Variants in GGTA1 observed in about 807,000 individuals in gnomAD.
GGTA1 encodes glycoprotein alpha-galactosyltransferase 1 (inactive).
A neutral mutation model predicts 2.6 loss-of-function variants in GGTA1; 5 were observed. That is an observed-to-expected ratio of 1.92 (90% CI 1.00 to 4.04). The LOEUF (loss-of-function observed/expected upper bound fraction) is 4.04. GGTA1 is among the 30% of genes most tolerant of loss of function. GGTA1 has a pLI of 0.00. For missense variants in GGTA1, 50 were observed against 16.7 expected, an observed-to-expected ratio of 2.99 and a Z score of -3.47; for synonymous variants, 17 against 5.0, an observed-to-expected ratio of 3.38 and a Z score of -3.19.
At chr9:121,450,248 G>A (rs143350950), downstream of GGTA1, among the ~76,000 whole-genome samples, 260 of 152,078 alleles carry the variant, frequency 1.7e-3, 2 homozygotes, top group African/African-American at 6.0e-3. Flanking sequence ...TCTGTGGCTA[G>A]TGGCCAGGAA....
chr9:121,450,850 A>G (rs1360550644), downstream of GGTA1, among the ~76,000 whole-genome samples: 1 of 152,186 alleles, frequency 6.6e-6, no homozygotes, highest in Non-Finnish European at 1.5e-5. Context: ...GTGACATTAG[A>G]ACTTGATTGG....
intron 1 of GGTA1, among the ~76,000 whole-genome samples, chr9:121,491,599 T>G (rs1828870075): frequency 7.8e-6 from 1 of 128,366 alleles, no homozygotes; most frequent in Admixed American, 7.7e-5. Context: ...GTGCAATTAG[T>G]TTTTTTTTTT....
chr9:121,480,061 CTTTTTTTT>C (rs532547013), intron 1 of GGTA1, among the ~76,000 whole-genome samples: 1 of 139,828 alleles, frequency 7.2e-6, no homozygotes, highest in African/African-American at 2.6e-5. Flanking sequence ...CTTTTCTTTT[CTTTTTTTT>C]TTTTGAGATG....
At chr9:121,461,928 G>C (rs1213192959) in intron 3 of GGTA1, among the ~76,000 whole-genome samples, 1 of 152,230 alleles carries the variant, frequency 6.6e-6, no homozygotes, top group Non-Finnish European at 1.5e-5. Flanking sequence ...ACAGCCTCAG[G>C]AAATCTGAGG....
chr9:121,481,680 CAAAAAAAA>C (rs34813039), intron 1 of GGTA1, among the ~76,000 whole-genome samples: 1 of 64,216 alleles, frequency 1.6e-5, no homozygotes, highest in African/African-American at 6.6e-5. Context: ...GACTCTGTCT[CAAAAAAAA>C]AAAAAAAAAA....
At chr9:121,498,479 C>T (rs1331907253) in intron 1 of GGTA1, among the ~76,000 whole-genome samples, 8 of 152,264 alleles carry the variant, frequency 5.3e-5, no homozygotes, top group Non-Finnish European at 1.5e-5. Flanking sequence ...CCAGAGCCCT[C>T]CTTCGCCATG....
At chr9:121,497,301 T>A (rs1180042323) in intron 1 of GGTA1, among the ~76,000 whole-genome samples, 1 of 152,208 alleles carries the variant, frequency 6.6e-6, no homozygotes, top group Non-Finnish European at 1.5e-5. Flanking sequence ...TTTATACCTC[T>A]ATTAATGTCC....
chr9:121,470,692 C>T (rs139449310), intron 1 of GGTA1, among the ~76,000 whole-genome samples: 2 of 152,334 alleles, frequency 1.3e-5, no homozygotes, highest in African/African-American at 2.4e-5. Context: ...TGGGCGTAGG[C>T]TTAATTAGCC....
chr9:121,497,555 G>C (rs1324590797), intron 1 of GGTA1, among the ~76,000 whole-genome samples: 3 of 152,034 alleles, frequency 2.0e-5, no homozygotes, highest in Admixed American at 2.0e-4. Context: ...TAGCCTGAGG[G>C]GCTGCTCAGC....
chr9:121,459,417 C>A (rs2064941390), intron 5 of GGTA1, among the ~76,000 whole-genome samples: 1 of 152,104 alleles, frequency 6.6e-6, no homozygotes, highest in South Asian at 2.1e-4. Context: ...GCCTGGGTGA[C>A]AGAGCAAGAT....
downstream of GGTA1, chr9:121,452,262 T>G (rs1240478261): frequency 6.6e-6 from 1 of 152,648 alleles, no homozygotes; most frequent in East Asian, 1.9e-4. Flanking sequence ...CTGGTCACTG[T>G]CACAACCTCT....
At chr9:121,483,494 T>C (rs1198371607) in intron 1 of GGTA1, among the ~76,000 whole-genome samples, 1 of 152,158 alleles carries the variant, frequency 6.6e-6, no homozygotes, top group African/African-American at 2.4e-5. Context: ...TTAGGGTCAT[T>C]CCTTAATTGA....
intron 1 of GGTA1, among the ~76,000 whole-genome samples, chr9:121,473,458 G>C (rs1828438209): frequency 6.6e-6 from 1 of 152,168 alleles, no homozygotes. Context: ...GGAAAGGTTG[G>C]CAGGGTGGCC....
At chr9:121,495,348 C>T (rs1306488715) in intron 1 of GGTA1, among the ~76,000 whole-genome samples, 1 of 151,944 alleles carries the variant, frequency 6.6e-6, no homozygotes, top group Non-Finnish European at 1.5e-5. Flanking sequence ...GAGTTCGAGA[C>T]CAGCCTGGAC....
intron 1 of GGTA1, among the ~76,000 whole-genome samples, chr9:121,468,514 T>C (rs757161848): frequency 6.6e-6 from 1 of 152,270 alleles, no homozygotes; most frequent in Non-Finnish European, 1.5e-5. Flanking sequence ...GAATGATTTA[T>C]AATCCTTTAG....
At chr9:121,471,592 G>A (rs1207843694) in intron 1 of GGTA1, among the ~76,000 whole-genome samples, 1 of 152,080 alleles carries the variant, frequency 6.6e-6, no homozygotes, top group Non-Finnish European at 1.5e-5. Context: ...TCTTCAGAAA[G>A]TGAGCTCTGT....
chr9:121,449,729 G>T (rs371102264), intron 7 of GGTA1, among the ~76,000 whole-genome samples: 3 of 151,278 alleles, frequency 2.0e-5, no homozygotes, highest in South Asian at 2.1e-4. Flanking sequence ...AGTCCCAGCT[G>T]CTTGGGAGGC....
intron 1 of GGTA1, among the ~76,000 whole-genome samples, chr9:121,495,547 C>CA (rs990328116): frequency 2.0e-5 from 3 of 151,946 alleles, no homozygotes; most frequent in African/African-American, 7.3e-5. Flanking sequence ...AACTCCATCT[C>CA]AAAAAAAGAG....
chr9:121,457,482 C>G (rs981897573), intron 5 of GGTA1, among the ~76,000 whole-genome samples: 1 of 152,086 alleles, frequency 6.6e-6, no homozygotes, highest in African/African-American at 2.4e-5. Flanking sequence ...AGGTGGATCA[C>G]CAGGTCAGGA....
Sources: allele counts gnomAD v4.1 joint callset (sites outside exome capture counted in the v4.1 genomes callset), GRCh38; gene constraint gnomAD v4.1.1; transcripts MANE v1.5; gene names NCBI Gene and HGNC (gene_info 2026-07-23, HGNC 2026-07-21).